AXIN1: variants seen among roughly 807,000 people sequenced by gnomAD.
The protein encoded by AXIN1 is axin 1.
Under a neutral mutation model 76.4 loss-of-function variants are expected in AXIN1, and 30 were observed. The ratio of observed to expected loss-of-function variants is 0.39; its 90% CI spans 0.29 to 0.53. The LOEUF (loss-of-function observed/expected upper bound fraction) is 0.53. AXIN1 is among the 20% of genes least tolerant of loss of function. The probability of loss-of-function intolerance (pLI) is 0.66; values close to 1 mark genes in which losing one functional copy is unlikely to be tolerated. For synonymous variants in AXIN1, 545 were observed against 501.4 expected, an observed-to-expected ratio of 1.09 and a Z score of -1.16; for missense variants, 1,140 against 1,198.8, an observed-to-expected ratio of 0.95 and a Z score of 0.72.
chr16:327,242 CA>C (rs1432582139), intron 2 of AXIN1, among the ~76,000 whole-genome samples: 1 of 152,112 alleles, frequency 6.6e-6, no homozygotes, highest in Non-Finnish European at 1.5e-5. Flanking sequence ...GTGTCACCCT[CA>C]GGGGCAGGAA....
rs1205631059 is a variant in AXIN1, at chr16:293,598, G to T, written c.2076C>A (p.Asp692Glu). The T allele has an allele frequency of 1.2e-6, 2 of 1,613,092 alleles. No individual in the cohort carries two copies. The highest frequency in any genetic ancestry group is 1.7e-6 in the Non-Finnish European group (2 of 1,179,946). ...SVQPSHLFIQ[D>E]PTMPPHPAPN... The stretch of plus-strand genomic sequence containing the variant: ...GAGCTGGGTGGGGTGGCATGGTGGG[G>T]TCTTGGATGAAGAGGTGGGAGGGCT... The change falls in exon 8 of 11, where the codon GAC (aspartate) becomes GAA (glutamate). Residue 692 changes from aspartate to glutamate, a missense_variant. This residue lies in a region of AXIN1 where 429 missense variants were observed against 405.8 expected (regional missense o/e 1.06). Transcript: ENST00000262320. This position sits in a 1 kb window ranked among gnomAD's most constrained non-coding sequence, Gnocchi z 4.6.
intron 1 of AXIN1, 143 bp from the exon 2 acceptor site, chr16:347,249 TA>T: frequency 1.2e-6 from 1 of 805,176 alleles, no homozygotes; most frequent in Non-Finnish European, 1.9e-6. Flanking sequence ...TCAATCAAGA[TA>T]TATTTTGGCC....
rs550421552 is a variant in AXIN1, at chr16:314,288, C to T, written c.1019+255G>A. On this transcript the variant is annotated intron_variant, in intron 3 of 10. Transcript: ENST00000262320. Reference sequence around the variant, plus strand: ...GGTACAGCCTGCCTGCATGTCCAGACGCACTCTCACTGAGACCTGGGGAGC... The same window carrying T: ...GGTACAGCCTGCCTGCATGTCCAGATGCACTCTCACTGAGACCTGGGGAGC... Among the ~76,000 whole-genome samples, 5 of 152,286 alleles carry T rather than the reference C, an allele frequency of 3.3e-5. No individual in the cohort carries two copies. In the East Asian group the frequency reaches 5.8e-4, roughly 18 times the overall value.
chr16:307,775 C>T (rs1010706745), intron 4 of AXIN1, among the ~76,000 whole-genome samples: 4 of 152,218 alleles, frequency 2.6e-5, no homozygotes, highest in Admixed American at 6.5e-5. Flanking sequence ...AAAACCAAGG[C>T]CCTCAACAGA....
chr16:341,338 G>T (rs1485780455), intron 2 of AXIN1, among the ~76,000 whole-genome samples: 4 of 152,256 alleles, frequency 2.6e-5, no homozygotes, highest in Non-Finnish European at 5.9e-5. Context: ...GCGTGGGCTT[G>T]GTGGGCCCGG....
intron 1 of AXIN1, among the ~76,000 whole-genome samples, chr16:350,755 ACAAGT>A (rs1388330371): frequency 6.6e-6 from 1 of 152,228 alleles, no homozygotes; most frequent in Non-Finnish European, 1.5e-5. Context: ...GAAACCCAAG[ACAAGT>A]CAACACCAGC....
chr16:295,446 C>A (rs933684071), intron 7 of AXIN1, among the ~76,000 whole-genome samples: 3 of 151,806 alleles, frequency 2.0e-5, no homozygotes, highest in Admixed American at 6.6e-5. Context: ...TATACTAATC[C>A]TAGAGGCCGG....
At chr16:294,937 G>A (rs1234429406) in intron 7 of AXIN1, among the ~76,000 whole-genome samples, 7 of 150,092 alleles carry the variant, frequency 4.7e-5, no homozygotes, top group African/African-American at 1.5e-4. Flanking sequence ...GGTGGCGGGC[G>A]CCTGCAGTCC....
At position 293,746 on chromosome 16, in the gene AXIN1, C is replaced by G. The variant is rs774703733; in HGVS notation, c.1956-28G>C. Reference sequence around the variant, plus strand: ...TGGGGAACAAGAGAACAAGTTGTGACTGTGGCCGACACCCTGGCCAGGTGG... The same window carrying G: ...TGGGGAACAAGAGAACAAGTTGTGAGTGTGGCCGACACCCTGGCCAGGTGG... On this transcript the variant is annotated intron_variant, in intron 7 of 10. Coordinates refer to ENST00000262320, the MANE Select transcript of AXIN1 (RefSeq NM_003502.4). This position sits in a 1 kb window ranked among gnomAD's most constrained non-coding sequence, Gnocchi z 4.6. 5 of 1,607,224 alleles carry G rather than the reference C, an allele frequency of 3.1e-6. No homozygotes were observed. In the African/African-American group the frequency reaches 6.7e-5, roughly 21 times the overall value.
Position 320,741 on chromosome 16 carries a change from A to AT in AXIN1, c.879-6059dup, listed in dbSNP as rs1303646861. The stretch of plus-strand genomic sequence containing the variant: ...TGTGTGTGTATATATATATATATAT[A>AT]TATTTTTTTTTTTTTTGAGACGGAG... On this transcript the variant is annotated intron_variant, in intron 2 of 10. Coordinates refer to ENST00000262320, the MANE Select transcript of AXIN1 (RefSeq NM_003502.4). Among the ~76,000 whole-genome samples the AT allele has an allele frequency of 6.5e-3, 599 of 92,030 alleles. 4 individuals carry two copies. Among genetic ancestry groups the AT allele is most frequent in the Middle Eastern group, 0.011 (2 of 180 alleles). 60.4% of individuals were successfully genotyped at this position (92,030 alleles called of 152,430 possible).
chr16:352,018 C>A (rs913477430), intron 1 of AXIN1, among the ~76,000 whole-genome samples: 4 of 152,168 alleles, frequency 2.6e-5, no homozygotes, highest in Admixed American at 6.5e-5. Flanking sequence ...CGACCCGGAC[C>A]CGGCACGCGG....
At chr16:318,051 C>T (rs556121464) in intron 2 of AXIN1, among the ~76,000 whole-genome samples, 6 of 151,910 alleles carry the variant, frequency 3.9e-5, no homozygotes, top group African/African-American at 9.7e-5. Flanking sequence ...CAGCACACGG[C>T]GCGTCTGTAG....
At chr16:290,891 C>G (rs1230287130) in intron 9 of AXIN1, 2 of 493,894 alleles carry the variant, frequency 4.0e-6, no homozygotes, top group Non-Finnish European at 7.5e-6. Flanking sequence ...GGTCTCTGCC[C>G]CACAGGAAGC....
At position 291,173 on chromosome 16, in the gene AXIN1, C is replaced by A. The variant is rs969954378; in HGVS notation, c.2294+17G>T. 2 of 1,565,950 alleles carry A rather than the reference C, an allele frequency of 1.3e-6. No individual in the cohort carries two copies. Among genetic ancestry groups the A allele is most frequent in the African/African-American group, 1.3e-5 (1 of 74,296 alleles). On this transcript the variant is annotated intron_variant, in intron 9 of 10. Coordinates refer to ENST00000262320, the MANE Select transcript of AXIN1 (RefSeq NM_003502.4). Reference sequence around the variant, plus strand: ...CTGGGGTGGGCAGGACCGGGAGGACCCTCAGGACGCACGTACTCTGTCTCG... The same window carrying A: ...CTGGGGTGGGCAGGACCGGGAGGACACTCAGGACGCACGTACTCTGTCTCG...
chr16:311,543 G>A (rs1397831093), intron 3 of AXIN1, among the ~76,000 whole-genome samples: 6 of 151,304 alleles, frequency 4.0e-5, no homozygotes, highest in African/African-American at 9.7e-5. Context: ...AGGCCGAGGC[G>A]GGCGGATCAC....
rs568105630 is a variant in AXIN1, at chr16:296,800, C to G, written c.1955+256G>C. On this transcript the variant is annotated intron_variant, in intron 7 of 10. Coordinates refer to ENST00000262320, the MANE Select transcript of AXIN1 (RefSeq NM_003502.4). The stretch of plus-strand genomic sequence containing the variant: ...AGCATCTGTGCTGCCTGCGGGGTGA[C>G]AGCCACGTCAGCTTCCCTCCTGCTC... Among the ~76,000 whole-genome samples, 10 of 152,214 alleles carry G rather than the reference C, an allele frequency of 6.6e-5. No individual in the cohort carries two copies. The South Asian group carries it at 2.1e-3, about 32-fold the overall frequency.
intron 2 of AXIN1, among the ~76,000 whole-genome samples, chr16:322,164 G>T (rs2053473505): frequency 6.6e-6 from 1 of 152,224 alleles, no homozygotes; most frequent in Non-Finnish European, 1.5e-5. Flanking sequence ...CATGCCGCAG[G>T]CGTGAGGCTG....
chr16:300,480 G>A (rs565950688), intron 5 of AXIN1, among the ~76,000 whole-genome samples: 6 of 152,064 alleles, frequency 3.9e-5, no homozygotes, highest in Admixed American at 3.9e-4. Flanking sequence ...GATTACAGAT[G>A]TGAGCCACTG....
intron 4 of AXIN1, among the ~76,000 whole-genome samples, chr16:305,806 AGTGCTGGGATTACAG>A (rs2053007174): frequency 1.3e-5 from 2 of 152,034 alleles, no homozygotes; most frequent in Non-Finnish European, 2.9e-5. Flanking sequence ...AGCCTCCCAA[AGTGCTGGGATTACAG>A]GCGTGAGCCA....
Sources: allele counts gnomAD v4.1 joint callset (sites outside exome capture counted in the v4.1 genomes callset), GRCh38; gene constraint gnomAD v4.1.1; regional missense constraint gnomAD v4.1.1; non-coding constraint Gnocchi (gnomAD v3.1); transcripts MANE v1.5; gene names NCBI Gene and HGNC (gene_info 2026-07-23, HGNC 2026-07-21).